ADAM19: variants seen among roughly 807,000 people sequenced by gnomAD.
ADAM19 encodes disintegrin and metalloproteinase domain-containing protein 19.
ADAM19 carries 65 observed loss-of-function variants against 114.7 expected under a neutral mutation model. The ratio of observed to expected loss-of-function variants is 0.57; its 90% CI spans 0.46 to 0.70. ADAM19 has a LOEUF of 0.70. ADAM19 is among the 30% of genes least tolerant of loss of function. The pLI, the probability that ADAM19 is intolerant of heterozygous loss-of-function variation, is 0.00. For synonymous variants in ADAM19, 466 were observed against 460.5 expected, an observed-to-expected ratio of 1.01 and a Z score of -0.15; for missense variants, 1,063 against 1,204.7, an observed-to-expected ratio of 0.88 and a Z score of 1.74.
intron 7 of ADAM19, 130 bp downstream of exon 7, chr5:157,518,692 GA>G: frequency 1.1e-6 from 1 of 875,516 alleles, no homozygotes; most frequent in Non-Finnish European, 1.9e-6. Flanking sequence ...CCTTTGGTGA[GA>G]TTTAAGGTCA....
chr5:157,509,715 T>C (rs1755856742), intron 8 of ADAM19, among the ~76,000 whole-genome samples: 1 of 152,078 alleles, frequency 6.6e-6, no homozygotes, highest in Non-Finnish European at 1.5e-5. Context: ...AAAGGGAAAA[T>C]GAGATCCTGA....
In ADAM19 at chr5:157,564,365, C is replaced by A. The variant is rs1757594757; in HGVS notation, c.251+8G>T. On this transcript the variant is annotated splice_region_variant and intron_variant, in intron 3 of 22. Coordinates refer to ENST00000257527, the MANE Select transcript of ADAM19 (RefSeq NM_033274.5). ...GTTTCATTTTAGACAAAGGAGGAGT[C>A]CACTTACTCATTCTTCTCCAGGTCC... 6.2e-7 allele frequency: 1 copy of A among 1,613,400 alleles called. No individual in the cohort carries two copies. Among genetic ancestry groups the A allele is most frequent in the Non-Finnish European group, 8.5e-7 (1 of 1,179,348 alleles).
At chr5:157,535,021 C>T (rs1756722825) in intron 4 of ADAM19, among the ~76,000 whole-genome samples, 1 of 151,534 alleles carries the variant, frequency 6.6e-6, no homozygotes, top group Non-Finnish European at 1.5e-5. Context: ...TCCCCTTCTC[C>T]TCTCAGTTTC....
At chr5:157,562,231 G>A (rs572439268) in intron 3 of ADAM19, among the ~76,000 whole-genome samples, 16 of 152,182 alleles carry the variant, frequency 1.1e-4, no homozygotes, top group Admixed American at 2.0e-4. Flanking sequence ...GCAGGAAGCC[G>A]TCCCCCAGGG....
intron 5 of ADAM19, among the ~76,000 whole-genome samples, chr5:157,524,775 A>T (rs1407342199): frequency 2.0e-5 from 3 of 152,244 alleles, no homozygotes; most frequent in Admixed American, 2.0e-4. Flanking sequence ...GTGGTAAGTG[A>T]TGTAATAACA....
At chr5:157,530,169 T>C (rs1410303330) in intron 5 of ADAM19, among the ~76,000 whole-genome samples, 3 of 152,214 alleles carry the variant, frequency 2.0e-5, no homozygotes, top group Non-Finnish European at 4.4e-5. Flanking sequence ...CCCAGCTACC[T>C]TGCCTTTCAA....
chr5:157,487,819 T>C (rs1348848057), intron 21 of ADAM19, among the ~76,000 whole-genome samples: 1 of 152,032 alleles, frequency 6.6e-6, no homozygotes, highest in East Asian at 1.9e-4. Flanking sequence ...AGAAGTACAG[T>C]CCCATCAACC....
intron 14 of ADAM19, among the ~76,000 whole-genome samples, chr5:157,495,963 G>A (rs1037705036): frequency 6.3e-5 from 6 of 94,616 alleles, no homozygotes; most frequent in Non-Finnish European, 1.2e-4. Flanking sequence ...TTTTTTTTGA[G>A]ATGGTACATC....
At chr5:157,482,218 T>C (rs1016827603) in intron 21 of ADAM19, among the ~76,000 whole-genome samples, 4 of 152,256 alleles carry the variant, frequency 2.6e-5, no homozygotes, top group African/African-American at 9.6e-5. Flanking sequence ...GAAGTGTCTG[T>C]TCATATCTTT....
intron 1 of ADAM19, among the ~76,000 whole-genome samples, chr5:157,573,961 A>G (rs948293190): frequency 6.6e-6 from 1 of 152,178 alleles, no homozygotes; most frequent in Non-Finnish European, 1.5e-5. Context: ...GAGTTGAATA[A>G]ATCTTGGCCA....
chr5:157,518,801 A>T (rs1429431451), intron 7 of ADAM19, 22 bp downstream of exon 7: 20 of 1,602,154 alleles, frequency 1.2e-5, no homozygotes, highest in Non-Finnish European at 1.6e-5. Flanking sequence ...TTTTTCTGCA[A>T]GACCCATTGC....
chr5:157,509,523 C>T (rs771661361), intron 8 of ADAM19, 56 bp from the exon 9 acceptor site: 6 of 1,313,354 alleles, frequency 4.6e-6, no homozygotes, highest in Non-Finnish European at 6.0e-6. Flanking sequence ...GATTTAAAAG[C>T]CCCTTCCTTT....
At chr5:157,522,781 A>AT (rs1756340039) in intron 5 of ADAM19, among the ~76,000 whole-genome samples, 1 of 152,086 alleles carries the variant, frequency 6.6e-6, no homozygotes. Flanking sequence ...GCAAGACTCC[A>AT]TCTCCAAAAG....
chr5:157,550,632 C>T lies in ADAM19; in HGVS notation c.252-12641G>A, dbSNP rs150874473. On this transcript the variant is annotated intron_variant, in intron 3 of 22. Coordinates refer to ENST00000257527, the MANE Select transcript of ADAM19 (RefSeq NM_033274.5). ...ATACTAAAACAGATGAAATTGTATA[C>T]TTTAAATGAGTGAACTATATGGTAT... 8.9e-3 allele frequency among the ~76,000 whole-genome samples: 1,329 copies of T among 149,386 alleles called. 10 individuals carry two copies. Among genetic ancestry groups the T allele is most frequent in the South Asian group, 0.028 (132 of 4,774 alleles).
At chr5:157,542,159 G>A (rs1311100731) in intron 3 of ADAM19, among the ~76,000 whole-genome samples, 1 of 151,936 alleles carries the variant, frequency 6.6e-6, no homozygotes, top group Non-Finnish European at 1.5e-5. Flanking sequence ...CTCACCATGC[G>A]ACTTAGCCCA....
In ADAM19 at chr5:157,478,462, G is replaced by A. The variant is rs761937052; in HGVS notation, c.*2487C>T. 1.8e-5 allele frequency: 11 copies of A among 621,552 alleles called. No individual in the cohort carries two copies. The highest frequency in any genetic ancestry group is 2.2e-5 in the Non-Finnish European group (11 of 497,894). 38.5% of individuals were successfully genotyped at this position (621,552 alleles called of 1,614,324 possible). A position where few individuals can be genotyped will look rare whatever the true frequency, so the allele number is the denominator to read the frequency against. ...TGAGCCTTTTCACTATTCCCATAAG[G>A]CCCCTTCCTCTCCCTTTTGCAATAT... On this transcript the variant is annotated 3_prime_UTR_variant, in exon 23 of 23. Transcript: ENST00000257527.
At chr5:157,487,610 A>G (rs1386756611) in intron 21 of ADAM19, among the ~76,000 whole-genome samples, 1 of 152,240 alleles carries the variant, frequency 6.6e-6, no homozygotes, top group Non-Finnish European at 1.5e-5. Flanking sequence ...GAGCACACAC[A>G]CGCAGTGGGA....
Position 157,575,616 on chromosome 5 carries a change from C to G in ADAM19, c.81G>C (p.Glu27Asp). The G allele has an allele frequency of 6.9e-7, 1 of 1,450,220 alleles. No homozygotes were observed. 89.8% of individuals were successfully genotyped at this position (1,450,220 alleles called of 1,614,324 possible). The stretch of plus-strand genomic sequence containing the variant: ...CTGGCCACTTACTTGTCCATCCAGG[C>G]TCCCGCGCCGCCCGCGGCCGGAGGG... Reference protein sequence around the residue: ...LQPLRPRAAREPGWTRGSEEG... With the variant: ...LQPLRPRAARDPGWTRGSEEG... The change falls in exon 1 of 23, where the codon GAG (glutamate) becomes GAC (aspartate). Residue 27 changes from glutamate to aspartate, a missense_variant. Physicochemically the swap from Glu to Asp is conservative, Grantham distance 45. Transcript: ENST00000257527.
chr5:157,566,595 A>G (rs753486459), intron 2 of ADAM19: 3 of 152,240 alleles, frequency 2.0e-5, no homozygotes, highest in Non-Finnish European at 4.4e-5. Context: ...GAAGAAATAA[A>G]TTATTTTTTT....
Sources: allele counts gnomAD v4.1 joint callset (sites outside exome capture counted in the v4.1 genomes callset), GRCh38; gene constraint gnomAD v4.1.1; transcripts MANE v1.5; gene names NCBI Gene and HGNC (gene_info 2026-07-23, HGNC 2026-07-21).